The following GLIS3 variants were observed in gnomAD, a reference collection of about 807,000 sequenced individuals.
GLIS3 encodes the protein zinc finger protein GLIS3.
A neutral mutation model predicts 78.6 loss-of-function variants in GLIS3; 53 were observed. That is an observed-to-expected ratio of 0.67 (90% CI 0.54 to 0.85). The LOEUF (loss-of-function observed/expected upper bound fraction) is 0.85. Ranked by LOEUF, GLIS3 falls within the 40% of genes least tolerant of loss-of-function variation. The probability of loss-of-function intolerance (pLI) is 0.00; values close to 1 mark genes in which losing one functional copy is unlikely to be tolerated. For missense variants in GLIS3, 1,703 were observed against 1,231.1 expected, an observed-to-expected ratio of 1.38 and a Z score of -5.74; for synonymous variants, 684 against 509.9, an observed-to-expected ratio of 1.34 and a Z score of -4.60.
intron 2 of GLIS3, among the ~76,000 whole-genome samples, chr9:4,265,207 C>T (rs1825882323): frequency 6.6e-6 from 1 of 151,498 alleles, no homozygotes; most frequent in Middle Eastern, 3.5e-3. Flanking sequence ...CAATCTTTTG[C>T]CTTCACAAGG....
intron 2 of GLIS3, among the ~76,000 whole-genome samples, chr9:4,317,099 T>C (rs901813642): frequency 6.6e-6 from 1 of 152,220 alleles, no homozygotes; most frequent in Non-Finnish European, 1.5e-5. Flanking sequence ...AAGATGGTCT[T>C]TGATATCCTA....
intron 2 of GLIS3, among the ~76,000 whole-genome samples, chr9:4,210,542 AT>A (rs539846767): frequency 3.3e-5 from 5 of 150,834 alleles, no homozygotes; most frequent in Admixed American, 6.6e-5. Flanking sequence ...CTAAGCAGCA[AT>A]TTTTTTTTTA....
chr9:3,859,350 A>AACAC lies in GLIS3; in HGVS notation c.2298-3170_2298-3167dup, dbSNP rs34973607. The stretch of plus-strand genomic sequence containing the variant: ...CTACTTTCCAACCCTGTTTCTTCGA[A>AACAC]ACACACACACACACACACACACACA... On this transcript the variant is annotated intron_variant, in intron 8 of 10. Coordinates refer to ENST00000381971, the MANE Select transcript of GLIS3 (RefSeq NM_001042413.2). Among the ~76,000 whole-genome samples the AACAC allele has an allele frequency of 3.4e-3, 505 of 148,904 alleles. 1 individual carries two copies. Among genetic ancestry groups the AACAC allele is most frequent in the East Asian group, 9.6e-3 (49 of 5,102 alleles).
intron 2 of GLIS3, chr9:4,151,126 A>T (rs948071037): frequency 6.6e-6 from 1 of 152,210 alleles, no homozygotes; most frequent in Non-Finnish European, 1.5e-5. Context: ...ATGCCTACTT[A>T]ACAACTGTGC....
chr9:4,142,517 G>C, intron 2 of GLIS3, among the ~76,000 whole-genome samples: 1 of 152,170 alleles, frequency 6.6e-6, no homozygotes. Flanking sequence ...AACTCTGCCA[G>C]GATGTGGTCT....
intron 2 of GLIS3, among the ~76,000 whole-genome samples, chr9:4,340,791 T>A (rs1172159571): frequency 6.6e-6 from 1 of 152,000 alleles, no homozygotes; most frequent in African/African-American, 2.4e-5. Flanking sequence ...GCCTCCTGGG[T>A]TCAAGCAATT....
chr9:4,456,406 C>G, the GLIS3 span, among the ~76,000 whole-genome samples: 1 of 152,152 alleles, frequency 6.6e-6, no homozygotes, highest in Non-Finnish European at 1.5e-5. Context: ...AAAGCTTTCT[C>G]TAGCATGTGA....
At chr9:3,865,861 GTAAT>G (rs1251198125) in intron 8 of GLIS3, among the ~76,000 whole-genome samples, 21 of 152,150 alleles carry the variant, frequency 1.4e-4, no homozygotes, top group Middle Eastern at 3.2e-3. Flanking sequence ...ATATGTGATT[GTAAT>G]TAATCTAAAA....
chr9:3,855,820 A>G, intron 9 of GLIS3, 189 bp downstream of exon 9: 2 of 666,884 alleles, frequency 3.0e-6, no homozygotes, highest in Non-Finnish European at 5.3e-6. Context: ...TCATACCATC[A>G]TCAGGCCAAA....
chr9:4,358,332 A>G, the GLIS3 span, among the ~76,000 whole-genome samples: 2 of 120,780 alleles, frequency 1.7e-5, no homozygotes, highest in African/African-American at 5.6e-5. Flanking sequence ...TTTACAAAAA[A>G]AAGAGACTAA....
intron 2 of GLIS3, among the ~76,000 whole-genome samples, chr9:4,246,398 A>G (rs772151175): frequency 1.3e-5 from 2 of 152,226 alleles, no homozygotes; most frequent in Non-Finnish European, 2.9e-5. Context: ...CCAAGAATGT[A>G]GACAGGAAGT....
chr9:4,029,429 C>G (rs974083193), intron 4 of GLIS3, among the ~76,000 whole-genome samples: 3 of 152,074 alleles, frequency 2.0e-5, no homozygotes, highest in African/African-American at 7.2e-5. Flanking sequence ...GTTATCCGTC[C>G]CCTTAAGCAT....
chr9:4,405,629 C>G, the GLIS3 span, among the ~76,000 whole-genome samples: 1 of 152,116 alleles, frequency 6.6e-6, no homozygotes. Context: ...GGCTTCACTT[C>G]TAAACACTAC....
chr9:4,397,156 G>C, the GLIS3 span, among the ~76,000 whole-genome samples: 25 of 139,468 alleles, frequency 1.8e-4, 2 homozygotes, highest in South Asian at 4.6e-4. Flanking sequence ...CTCCCGAGTA[G>C]CTGGGACTAC....
At chr9:4,401,040 G>A in the GLIS3 span, among the ~76,000 whole-genome samples, 1 of 152,120 alleles carries the variant, frequency 6.6e-6, no homozygotes, top group African/African-American at 2.4e-5. Context: ...AGAGGGAAAA[G>A]TAAAGAGGAC....
chr9:4,338,124 G>A (rs1326810384), intron 2 of GLIS3, among the ~76,000 whole-genome samples: 1 of 151,816 alleles, frequency 6.6e-6, no homozygotes, highest in African/African-American at 2.4e-5. Context: ...ACAGGAGTCA[G>A]GACACCTGAT....
At chr9:4,371,413 T>C in the GLIS3 span, among the ~76,000 whole-genome samples, 1 of 152,342 alleles carries the variant, frequency 6.6e-6, no homozygotes, top group South Asian at 2.1e-4. Context: ...TCCCCATAAG[T>C]GCTAAGCCTT....
At chr9:4,068,416 A>T (rs1012326728) in intron 4 of GLIS3, among the ~76,000 whole-genome samples, 1 of 152,200 alleles carries the variant, frequency 6.6e-6, no homozygotes, top group Admixed American at 6.5e-5. Context: ...AACAAGATTT[A>T]TAACTTCCAA....
chr9:3,950,409 T>C (rs954000285), intron 4 of GLIS3, among the ~76,000 whole-genome samples: 4 of 152,252 alleles, frequency 2.6e-5, no homozygotes, highest in Non-Finnish European at 5.9e-5. Flanking sequence ...CCATGGCTCA[T>C]ACATCTTGCT....
Sources: allele counts gnomAD v4.1 joint callset (sites outside exome capture counted in the v4.1 genomes callset), GRCh38; gene constraint gnomAD v4.1.1; transcripts MANE v1.5; gene names NCBI Gene and HGNC (gene_info 2026-07-23, HGNC 2026-07-21).